The following MDGA2 variants were observed in gnomAD, a reference collection of about 807,000 sequenced individuals.
MDGA2 encodes the protein MAM domain-containing glycosylphosphatidylinositol anchor protein 2.
MDGA2 carries 40 observed loss-of-function variants against 117.8 expected under a neutral mutation model. The ratio of observed to expected loss-of-function variants is 0.34; its 90% confidence interval spans 0.26 to 0.44. The LOEUF is 0.44. MDGA2 is among the 20% of genes least tolerant of loss of function. The probability of loss-of-function intolerance (pLI) is 1.00; values close to 1 mark genes in which losing one functional copy is unlikely to be tolerated. For synonymous variants in MDGA2, 452 were observed against 439.0 expected (o/e 1.03, Z -0.37); for missense variants, 1,123 against 1,250.6 (o/e 0.90, Z 1.54).
At chr14:46,934,027 T>C (rs373732929) in intron 9 of MDGA2, among the ~76,000 whole-genome samples, 1 of 151,478 alleles carries the variant, frequency 6.6e-6, no homozygotes, top group Non-Finnish European at 1.5e-5. Flanking sequence ...AAGAATCTTA[T>C]CCAAAAATTC....
chr14:47,396,709 A>C (rs1249388626), intron 1 of MDGA2, among the ~76,000 whole-genome samples: 1 of 152,230 alleles, frequency 6.6e-6, no homozygotes, highest in Non-Finnish European at 1.5e-5. Context: ...GAAGACATTT[A>C]TGTGGCCAAC....
At chr14:47,161,927 C>CTTTTTTTTTTTTTT (rs71112489) in intron 3 of MDGA2, among the ~76,000 whole-genome samples, 2 of 52,472 alleles carry the variant, frequency 3.8e-5, no homozygotes, top group Non-Finnish European at 7.0e-5. Context: ...TCCCCAGATC[C>CTTTTTTTTTTTTTT]TTTTTTTTTT....
chr14:46,866,734 C>T lies in MDGA2; in HGVS notation c.2752+6699G>A, dbSNP rs1405369448. On this transcript the variant is annotated intron_variant, in intron 14 of 16. Coordinates refer to ENST00000399232, the MANE Select transcript of MDGA2 (RefSeq NM_001113498.3). ...ACCCCATCAGAAAGTGGGCGAAGGA[C>T]ATGAACAGACACTTCTCAAAAGAAG... 5.9e-5 allele frequency among the ~76,000 whole-genome samples: 9 copies of T among 151,512 alleles called. No individual in the cohort carries two copies. In the Middle Eastern group the frequency reaches 0.01, roughly 172 times the overall value.
At chr14:47,345,311 A>C (rs1890741488) in intron 1 of MDGA2, among the ~76,000 whole-genome samples, 1 of 152,098 alleles carries the variant, frequency 6.6e-6, no homozygotes, top group Non-Finnish European at 1.5e-5. Flanking sequence ...TTTATAATAA[A>C]ATATACTTCC....
chr14:46,864,572 T>TTTTTTTTTTTAA (rs1881660333), intron 14 of MDGA2, among the ~76,000 whole-genome samples: 1 of 89,420 alleles, frequency 1.1e-5, no homozygotes, highest in Non-Finnish European at 2.3e-5. Context: ...TTTTTTTTTT[T>TTTTTTTTTTTAA]ACAAATTAAA....
In MDGA2 at chr14:47,034,991, A is replaced by G; in HGVS notation, c.1819+20T>C. 1 of 1,594,268 alleles carries G rather than the reference A, an allele frequency of 6.3e-7. No homozygotes were observed. The highest frequency in any genetic ancestry group is 1.7e-5 in the Admixed American group (1 of 58,818). ...TTCCCTTGTCCCCATATGGAAATGC[A>G]TAAAAGGGAATTTACTTACACTGAA... is the stretch of plus-strand genomic sequence containing the variant. On this transcript the variant is annotated intron_variant, in intron 8 of 16. Coordinates refer to ENST00000399232, the MANE Select transcript of MDGA2 (RefSeq NM_001113498.3).
At chr14:47,301,270 TACACACACACACACCCACACCCACCC>T in intron 2 of MDGA2, 115 bp downstream of exon 2, 1 of 768,754 alleles carries the variant, frequency 1.3e-6, no homozygotes, top group Non-Finnish European at 2.0e-6. Context: ...GCACTTGAGT[TACACACACACACACCCACACCCACCC>T]ACACACACAC....
At chr14:47,311,032 A>C (rs903085383) in intron 1 of MDGA2, among the ~76,000 whole-genome samples, 1 of 152,134 alleles carries the variant, frequency 6.6e-6, no homozygotes, top group African/African-American at 2.4e-5. Context: ...CTTTGAACCA[A>C]ATCTTCCTTG....
At chr14:47,388,737 A>C (rs571173764) in intron 1 of MDGA2, among the ~76,000 whole-genome samples, 83 of 152,298 alleles carry the variant, frequency 5.4e-4, no homozygotes, top group Non-Finnish European at 9.7e-4. Flanking sequence ...TCAGAGAAAA[A>C]GGGGAAAGTG....
chr14:46,864,545 G>GTTTTTTT lies in MDGA2; in HGVS notation c.2752+8881_2752+8887dup, dbSNP rs71112467. On this transcript the variant is annotated intron_variant, in intron 14 of 16. Transcript: ENST00000399232. Reference sequence around the variant, plus strand: ...TTTGTTGCGCTTTGCAGATATTGCTGTTTTTTTTTTTTTTTTTTTTTTTTT... The same window carrying GTTTTTTT: ...TTTGTTGCGCTTTGCAGATATTGCTGTTTTTTTTTTTTTTTTTTTTTTTTTTTTTTTT... Among the ~76,000 whole-genome samples, 34 of 51,474 alleles carry GTTTTTTT rather than the reference G, an allele frequency of 6.6e-4. 1 individual carries two copies. The highest frequency in any genetic ancestry group is 1.7e-3 in the African/African-American group (28 of 16,856). 33.8% of individuals were successfully genotyped at this position (51,474 alleles called of 152,430 possible). A position where few individuals can be genotyped will look rare whatever the true frequency, so the allele number is the denominator to read the frequency against.
chr14:47,059,309 T>G (rs1253510087), intron 7 of MDGA2: 1 of 1,270,268 alleles, frequency 7.9e-7, no homozygotes. Flanking sequence ...CTATCTGTAG[T>G]TAAGTGGGTA....
At chr14:47,440,637 A>C (rs1376607586) in intron 1 of MDGA2, among the ~76,000 whole-genome samples, 1 of 151,344 alleles carries the variant, frequency 6.6e-6, no homozygotes, top group African/African-American at 2.4e-5. Flanking sequence ...AAAAGCTAAA[A>C]TAAACCCCAG....
intron 6 of MDGA2, among the ~76,000 whole-genome samples, chr14:47,091,819 G>C (rs928935475): frequency 5.3e-5 from 8 of 152,008 alleles, no homozygotes; most frequent in African/African-American, 1.7e-4. Context: ...ATTTCCCGAT[G>C]ACAGGGATGG....
At chr14:47,120,829 T>A (rs1881612690) in intron 5 of MDGA2, among the ~76,000 whole-genome samples, 1 of 152,160 alleles carries the variant, frequency 6.6e-6, no homozygotes, top group Non-Finnish European at 1.5e-5. Flanking sequence ...CAATATGAAC[T>A]ACCACATAGA....
At chr14:47,373,628 G>C (rs910867692) in intron 1 of MDGA2, among the ~76,000 whole-genome samples, 12 of 152,014 alleles carry the variant, frequency 7.9e-5, no homozygotes, top group African/African-American at 2.9e-4. Context: ...AGTAAGTCAG[G>C]GGTTGGCTAG....
chr14:47,442,258 G>C (rs1893028338), intron 1 of MDGA2, among the ~76,000 whole-genome samples: 1 of 152,118 alleles, frequency 6.6e-6, no homozygotes, highest in Non-Finnish European at 1.5e-5. Context: ...TGTCTGTTTA[G>C]TGTCAGGTAG....
At chr14:47,542,062 CAGAG>C (rs1267383105) in intron 1 of MDGA2, among the ~76,000 whole-genome samples, 2 of 151,920 alleles carry the variant, frequency 1.3e-5, no homozygotes, top group African/African-American at 2.4e-5. Flanking sequence ...TATAGAGACA[CAGAG>C]AGAGAAAGAG....
chr14:47,159,131 A>G (rs1883528616), intron 3 of MDGA2, among the ~76,000 whole-genome samples: 1 of 152,180 alleles, frequency 6.6e-6, no homozygotes, highest in Non-Finnish European at 1.5e-5. Flanking sequence ...GTCATGATAC[A>G]TTGTCCAAAC....
At chr14:47,470,528 G>C (rs1244423886) in intron 1 of MDGA2, among the ~76,000 whole-genome samples, 1 of 152,042 alleles carries the variant, frequency 6.6e-6, no homozygotes, top group Non-Finnish European at 1.5e-5. Flanking sequence ...ATGGACATTT[G>C]GGTTGGTTCC....
Sources: allele counts gnomAD v4.1 joint callset (sites outside exome capture counted in the v4.1 genomes callset), GRCh38; gene constraint gnomAD v4.1.1; transcripts MANE v1.5; gene names NCBI Gene and HGNC (gene_info 2026-07-23, HGNC 2026-07-21).